Variants in AP2B1 observed in about 807,000 individuals in gnomAD.
The protein encoded by AP2B1 is adaptor related protein complex 2 subunit beta 1.
AP2B1 carries 23 observed loss-of-function variants against 102.0 expected under a neutral mutation model. The observed-to-expected ratio is 0.23, with a 90% CI of 0.16 to 0.32. The LOEUF is 0.32. Ranked by LOEUF, AP2B1 falls within the 10% of genes least tolerant of loss-of-function variation. The probability of loss-of-function intolerance (pLI) is 1.00; values close to 1 mark genes in which losing one functional copy is unlikely to be tolerated. For synonymous variants in AP2B1, 381 were observed against 421.2 expected, an observed-to-expected ratio of 0.90 and a Z score of 1.17; for missense variants, 541 against 1,157.4, an observed-to-expected ratio of 0.47 and a Z score of 7.73.
rs1461975309 is a variant in AP2B1, at chr17:35,650,706, C to A, written c.1713C>A (p.Ala571=). The change falls in exon 13 of 22, where the codon GCC becomes GCA. Residue 571 remains alanine (A), a synonymous_variant. Coordinates refer to ENST00000610402, the MANE Select transcript of AP2B1 (RefSeq NM_001030006.2). ...TAATCTGCCACATTGGTTCTTTGGC[C>A]TCTGTGTATCATAAGCCTCCCAATG... ...DELICHIGSL[A]SVYHKPPNAF... 6.2e-7 allele frequency: 1 copy of A among 1,614,114 alleles called. No homozygotes were observed. Among genetic ancestry groups the A allele is most frequent in the Non-Finnish European group, 8.5e-7 (1 of 1,180,020 alleles).
intron 18 of AP2B1, among the ~76,000 whole-genome samples, chr17:35,708,485 A>G (rs942650708): frequency 1.3e-5 from 2 of 152,032 alleles, no homozygotes; most frequent in Non-Finnish European, 2.9e-5. Context: ...TAAGCAGGCT[A>G]TGGTAGAATC....
At chr17:35,623,290 A>G (rs1418214835) in intron 5 of AP2B1, among the ~76,000 whole-genome samples, 1 of 152,102 alleles carries the variant, frequency 6.6e-6, no homozygotes, top group Admixed American at 6.5e-5. Flanking sequence ...TCAGCCGGGC[A>G]TGGTGGCTCA....
At chr17:35,594,193 C>G (rs1291795182) in intron 2 of AP2B1, 126 bp downstream of exon 2, 2 of 580,372 alleles carry the variant, frequency 3.4e-6, no homozygotes, top group Non-Finnish European at 6.1e-6. Flanking sequence ...CACTGGACAT[C>G]TACTACTTCT....
chr17:35,671,261 T>C (rs1451518064), intron 15 of AP2B1, among the ~76,000 whole-genome samples: 1 of 152,194 alleles, frequency 6.6e-6, no homozygotes, highest in East Asian at 1.9e-4. Context: ...ACTCTCCTCG[T>C]AAATGAGTTA....
intron 4 of AP2B1, 98 bp from the exon 5 acceptor site, chr17:35,608,044 T>C (rs2073744995): frequency 2.8e-6 from 4 of 1,438,732 alleles, no homozygotes; most frequent in East Asian, 2.3e-5. Context: ...TCTGGAAGCT[T>C]AAATTAATGA....
chr17:35,610,773 G>A (rs1274627188), intron 5 of AP2B1, among the ~76,000 whole-genome samples: 1 of 152,042 alleles, frequency 6.6e-6, no homozygotes, highest in Non-Finnish European at 1.5e-5. Context: ...CGGGCGTGGT[G>A]GCAGGCGCCT....
intron 5 of AP2B1, among the ~76,000 whole-genome samples, chr17:35,624,011 A>G (rs2074252993): frequency 6.6e-6 from 1 of 152,164 alleles, no homozygotes; most frequent in South Asian, 2.1e-4. Context: ...CTATAAGATT[A>G]TTTGGCCTAG....
chr17:35,717,229 T>G lies in AP2B1; in HGVS notation c.2661T>G (p.Val887=), dbSNP rs2076567446. Residue 887 remains valine, a synonymous_variant, in exon 21 of 22, where the codon GTT becomes GTG. Transcript: ENST00000610402. Reference sequence around the variant, plus strand: ...CCAGCAAGTTGCAAAACAACAATGTTTATACTATTGCCAAGAGGAATGTGG... The same window carrying G: ...CCAGCAAGTTGCAAAACAACAATGTGTATACTATTGCCAAGAGGAATGTGG... ...TVSSKLQNNN[V]YTIAKRNVEG... 2 of 1,614,100 alleles carry G rather than the reference T, an allele frequency of 1.2e-6. No individual in the cohort carries two copies. The highest frequency in any genetic ancestry group is 1.7e-6 in the Non-Finnish European group (2 of 1,179,964).
At chr17:35,642,893 G>T (rs1015235477) in intron 12 of AP2B1, among the ~76,000 whole-genome samples, 18 of 152,066 alleles carry the variant, frequency 1.2e-4, no homozygotes, top group Non-Finnish European at 2.1e-4. Context: ...TCCTCTGCCT[G>T]AAGCAAAGCA....
intron 18 of AP2B1, among the ~76,000 whole-genome samples, chr17:35,707,456 CCT>C (rs1491293236): frequency 1.1e-5 from 1 of 88,184 alleles, no homozygotes; most frequent in Non-Finnish European, 2.5e-5. Context: ...CGGCTTCCCC[CCT>C]TTTTTTTTTT....
rs374291326 is a variant in AP2B1 at position 35,650,911 on chromosome 17, T to C, written c.1796+122T>C. 915 of 1,181,414 alleles carry C rather than the reference T, an allele frequency of 7.7e-4. 13 individuals are homozygous for C. In the South Asian group the frequency reaches 0.013, roughly 17 times the overall value. The allele number at this position is 1,181,414 out of a possible 1,614,324, so 73.2% of individuals were successfully genotyped here. On this transcript the variant is annotated intron_variant, in intron 13 of 21. Coordinates refer to ENST00000610402, the MANE Select transcript of AP2B1 (RefSeq NM_001030006.2). ...ACATTTTTGCTTCTTTATGCTTTTA[T>C]AGTCTGGAAAAGAACTGCTGTACAT...
intron 17 of AP2B1, among the ~76,000 whole-genome samples, chr17:35,682,151 G>A (rs1017838130): frequency 1.3e-5 from 2 of 151,668 alleles, no homozygotes; most frequent in Non-Finnish European, 2.9e-5. Context: ...GCTACCTGGG[G>A]GACTCATGTG....
At chr17:35,607,812 G>A in intron 4 of AP2B1, 1 of 145,914 alleles carries the variant, frequency 6.9e-6, no homozygotes, top group Admixed American at 7.6e-5. Flanking sequence ...CGGAATACAA[G>A]CCCAAAAGCT....
At chr17:35,703,616 G>A (rs1045611125) in intron 18 of AP2B1, among the ~76,000 whole-genome samples, 77 of 152,226 alleles carry the variant, frequency 5.1e-4, no homozygotes, top group African/African-American at 1.8e-3. Flanking sequence ...ACTTGTAAGT[G>A]GGAGCTAAAC....
At chr17:35,671,708 T>C (rs764381468) in intron 15 of AP2B1, 46 bp from the exon 16 acceptor site, 1 of 1,592,058 alleles carries the variant, frequency 6.3e-7, no homozygotes, top group South Asian at 1.1e-5. Context: ...GGACTGTTAA[T>C]CTGTTCTTCC....
At chr17:35,612,622 G>A (rs2073895825) in intron 5 of AP2B1, among the ~76,000 whole-genome samples, 1 of 152,140 alleles carries the variant, frequency 6.6e-6, no homozygotes, top group African/African-American at 2.4e-5. Context: ...TCTCCTTAAA[G>A]CAGAGGTTAT....
At chr17:35,696,853 C>T (rs1277479317) in intron 18 of AP2B1, among the ~76,000 whole-genome samples, 3 of 152,162 alleles carry the variant, frequency 2.0e-5, no homozygotes, top group Non-Finnish European at 4.4e-5. Context: ...AAAGGAACAG[C>T]AGTTTTTGTC....
In AP2B1 at chr17:35,621,952, G is replaced by A. The variant is rs566824089; in HGVS notation, c.526-2445G>A. Among the ~76,000 whole-genome samples the A allele has an allele frequency of 5.3e-5, 8 of 152,186 alleles. No homozygotes were observed. In the South Asian group the frequency reaches 1.2e-3, roughly 24 times the overall value. On this transcript the variant is annotated intron_variant, in intron 5 of 21. Transcript: ENST00000610402. Reference sequence around the variant, plus strand: ...GGTAACCAAGACTGGGCATGTGTTGGCAACAATAAATCAAAACAGGCATTT... The same window carrying A: ...GGTAACCAAGACTGGGCATGTGTTGACAACAATAAATCAAAACAGGCATTT...
chr17:35,716,283 T>G (rs587663739), intron 20 of AP2B1, among the ~76,000 whole-genome samples: 1 of 152,384 alleles, frequency 6.6e-6, no homozygotes, highest in East Asian at 1.9e-4. Flanking sequence ...GCAGTGCTTG[T>G]CATCTCTATT....
Sources: allele counts gnomAD v4.1 joint callset (sites outside exome capture counted in the v4.1 genomes callset), GRCh38; gene constraint gnomAD v4.1.1; transcripts MANE v1.5; gene names NCBI Gene and HGNC (gene_info 2026-07-23, HGNC 2026-07-21).